Variants in MICAL3 observed in about 807,000 individuals in gnomAD.
The protein encoded by MICAL3 is [F-actin]-monooxygenase MICAL3.
A neutral mutation model predicts 207.4 loss-of-function variants in MICAL3; 62 were observed. That is an observed-to-expected ratio of 0.30 (90% CI 0.24 to 0.37). MICAL3 has a LOEUF of 0.37. Ranked by LOEUF, MICAL3 falls within the 10% of genes least tolerant of loss-of-function variation. The pLI is 1.00. For missense variants in MICAL3, 2,368 were observed against 2,635.6 expected, an observed-to-expected ratio of 0.90 and a Z score of 2.22; for synonymous variants, 1,077 against 1,069.3, an observed-to-expected ratio of 1.01 and a Z score of -0.14.
intron 13 of MICAL3, 101 bp from the exon 14 acceptor site, chr22:17,887,536 A>G (rs375725140): frequency 2.9e-6 from 2 of 682,044 alleles, no homozygotes; most frequent in Non-Finnish European, 5.1e-6. Context: ...AGAGCCTCAG[A>G]AGGCTCTAAA....
chr22:17,863,462 G>C (rs1926731707), intron 19 of MICAL3: 1 of 985,448 alleles, frequency 1.0e-6, no homozygotes, highest in Non-Finnish European at 1.2e-6. Context: ...CCCATGCTCT[G>C]AGAGTGTCAG....
At chr22:18,019,136 G>C (rs1924266140) in intron 1 of MICAL3, 4 of 152,092 alleles carry the variant, frequency 2.6e-5, no homozygotes, top group Admixed American at 2.0e-4. Context: ...AGGCTGCAGT[G>C]AGCTGAGATC....
chr22:17,952,116 G>A (rs1356791701), intron 1 of MICAL3, among the ~76,000 whole-genome samples: 2 of 152,196 alleles, frequency 1.3e-5, no homozygotes, highest in Non-Finnish European at 2.9e-5. Context: ...CTGCAGCACT[G>A]GCTCCATGCT....
rs766023402 is a variant in MICAL3 at position 17,818,323 on chromosome 22, G to A, written c.4338C>T (p.Asn1446=). Residue 1446 remains asparagine, a synonymous_variant, in exon 26 of 32, where the codon AAC becomes AAT. Transcript: ENST00000441493. ...NMKTLGSQSF[N]TSDSAMLTPP... Reference sequence around the variant, plus strand: ...GCGTGAGCATGGCGGAGTCCGAGGTGTTGAAGCTCTGGCTGCCCAGTGTCT... The same window carrying A: ...GCGTGAGCATGGCGGAGTCCGAGGTATTGAAGCTCTGGCTGCCCAGTGTCT... 6 of 1,581,012 alleles carry A rather than the reference G, an allele frequency of 3.8e-6. No homozygotes were observed. The East Asian group carries it at 1.1e-4, about 30-fold the overall frequency.
chr22:17,888,601 A>T (rs946539694), intron 13 of MICAL3, among the ~76,000 whole-genome samples: 9 of 152,188 alleles, frequency 5.9e-5, no homozygotes, highest in Admixed American at 1.3e-4. Context: ...CTGAGAAAAG[A>T]GTAGGAGGTG....
At chr22:17,835,664 C>T (rs368361353) in intron 20 of MICAL3, among the ~76,000 whole-genome samples, 20 of 152,378 alleles carry the variant, frequency 1.3e-4, no homozygotes, top group African/African-American at 4.1e-4. Context: ...TTCTCCCTCC[C>T]TCTGGGGAGG....
At position 18,000,907 on chromosome 22, in the gene MICAL3, G is replaced by A. The variant is rs537636798; in HGVS notation, c.-75+23374C>T. Among the ~76,000 whole-genome samples the A allele has an allele frequency of 6.0e-3, 909 of 152,284 alleles. 8 individuals carry two copies. The highest frequency in any genetic ancestry group is 0.019 in the African/African-American group (788 of 41,572). On this transcript the variant is annotated intron_variant, in intron 1 of 31. Transcript: ENST00000441493. ...GGCCGCGGAGGCAGGACCCGGCGGA[G>A]CCTCGGCCCGGAGCCTGCGGACTCC...
At chr22:17,914,828 T>G (rs1381162616) in intron 1 of MICAL3, among the ~76,000 whole-genome samples, 1 of 152,200 alleles carries the variant, frequency 6.6e-6, no homozygotes, top group Non-Finnish European at 1.5e-5. Flanking sequence ...CAGTTGGCAT[T>G]CTGCGGCAGG....
intron 1 of MICAL3, among the ~76,000 whole-genome samples, chr22:17,974,536 C>G (rs1193136393): frequency 6.6e-6 from 1 of 152,110 alleles, no homozygotes; most frequent in South Asian, 2.1e-4. Flanking sequence ...ACCAGCCTGG[C>G]CAACATGGCA....
chr22:17,930,573 T>C (rs1330829364), intron 1 of MICAL3, among the ~76,000 whole-genome samples: 1 of 152,146 alleles, frequency 6.6e-6, no homozygotes, highest in African/African-American at 2.4e-5. Context: ...ACTGCACGAC[T>C]CCATGTACAC....
chr22:17,904,860 C>G (rs750899507), intron 2 of MICAL3, 21 bp from the exon 3 acceptor site: 48 of 1,574,266 alleles, frequency 3.0e-5, no homozygotes, highest in Non-Finnish European at 4.1e-5. Context: ...CAGCTGCTTT[C>G]AGGGCAGGCG....
chr22:17,898,794 C>T (rs1931086298), intron 7 of MICAL3, among the ~76,000 whole-genome samples: 1 of 152,228 alleles, frequency 6.6e-6, no homozygotes, highest in African/African-American at 2.4e-5. Flanking sequence ...GCACACCATG[C>T]AGTCACCTAG....
chr22:17,906,880 C>A lies in MICAL3; in HGVS notation c.-68G>T. ...GCTGTGGGTCCACCTGACACTGTCACGTTAATCTGACAAAAAGAAAGAAAA... is the reference window on the plus strand; with the variant it reads ...GCTGTGGGTCCACCTGACACTGTCAAGTTAATCTGACAAAAAGAAAGAAAA... On this transcript the variant is annotated 5_prime_UTR_variant, in exon 2 of 32. Coordinates refer to ENST00000441493, the MANE Select transcript of MICAL3 (RefSeq NM_015241.3). The A allele has an allele frequency of 7.0e-7, 1 of 1,428,986 alleles. No homozygotes were observed. The highest frequency in any genetic ancestry group is 9.5e-7 in the Non-Finnish European group (1 of 1,056,538). 88.5% of individuals were successfully genotyped at this position (1,428,986 alleles called of 1,614,324 possible). A position where few individuals can be genotyped will look rare whatever the true frequency, so the allele number is the denominator to read the frequency against.
intron 1 of MICAL3, among the ~76,000 whole-genome samples, chr22:17,909,219 T>C (rs947942083): frequency 2.0e-5 from 3 of 152,200 alleles, no homozygotes; most frequent in African/African-American, 7.2e-5. Context: ...CTCCTGGCTC[T>C]AGATATTAAA....
At chr22:17,820,349 G>C (rs1226343534) in intron 25 of MICAL3, among the ~76,000 whole-genome samples, 1 of 152,150 alleles carries the variant, frequency 6.6e-6, no homozygotes, top group African/African-American at 2.4e-5. Context: ...TGTCTGCATG[G>C]ACGCTGTAAA....
chr22:17,991,506 G>A (rs1231300789), intron 1 of MICAL3, among the ~76,000 whole-genome samples: 1 of 152,160 alleles, frequency 6.6e-6, no homozygotes, highest in Non-Finnish European at 1.5e-5. Flanking sequence ...AAGGGTAAGA[G>A]ACACCTTAAA....
At chr22:17,901,256 T>A (rs1487631996) in intron 5 of MICAL3, among the ~76,000 whole-genome samples, 2 of 152,186 alleles carry the variant, frequency 1.3e-5, no homozygotes, top group Non-Finnish European at 2.9e-5. Context: ...TACTAGGGAT[T>A]CCTCTTTAAA....
chr22:17,911,877 A>G (rs1203864265), intron 1 of MICAL3, among the ~76,000 whole-genome samples: 1 of 88,254 alleles, frequency 1.1e-5, no homozygotes, highest in Admixed American at 1.0e-4. Context: ...ACACTTGATC[A>G]TATTTTCCCT....
At chr22:17,815,523 G>C (rs529573067) in intron 27 of MICAL3, 1 of 152,438 alleles carries the variant, frequency 6.6e-6, no homozygotes, top group East Asian at 1.9e-4. Context: ...CTCAGCCCCA[G>C]TGCAACTGGG....
Sources: allele counts gnomAD v4.1 joint callset (sites outside exome capture counted in the v4.1 genomes callset), GRCh38; gene constraint gnomAD v4.1.1; transcripts MANE v1.5; gene names NCBI Gene and HGNC (gene_info 2026-07-23, HGNC 2026-07-21).